The following RARB variants were observed in gnomAD, a reference collection of about 807,000 sequenced individuals.
RARB encodes the protein retinoic acid receptor beta, also known as HBV-activated protein.
In RARB, 17 loss-of-function variants were observed where a neutral mutation model predicts 51.9. The ratio of observed to expected loss-of-function variants is 0.33; its 90% CI spans 0.22 to 0.49. The LOEUF (loss-of-function observed/expected upper bound fraction) is 0.49, where lower values mean the gene tolerates loss of function less well. Ranked by LOEUF, RARB falls within the 20% of genes least tolerant of loss-of-function variation. RARB has a pLI of 0.99. For missense variants in RARB, 369 were observed against 550.8 expected (o/e 0.67, Z 3.30); for synonymous variants, 215 against 195.4 (o/e 1.10, Z -0.84).
At chr3:24,989,114 C>G (rs537079172) in intron 2 of RARB, among the ~76,000 whole-genome samples, 1 of 152,342 alleles carries the variant, frequency 6.6e-6, no homozygotes, top group South Asian at 2.1e-4. Flanking sequence ...GCGTGAGCCA[C>G]CGCACCCGGC....
chr3:25,428,198 C>A (rs1708052845), upstream of RARB: 2 of 1,214,910 alleles, frequency 1.6e-6, no homozygotes, highest in East Asian at 6.3e-5. Context: ...TGAAGGTTAG[C>A]AGCCCGGGTA....
At chr3:25,544,382 AAAG>A (rs1699520417) in intron 3 of RARB, among the ~76,000 whole-genome samples, 1 of 152,228 alleles carries the variant, frequency 6.6e-6, no homozygotes, top group South Asian at 2.1e-4. Context: ...ATTTCAAAAC[AAAG>A]AAGCTTTTCC....
chr3:25,367,210 A>T (rs11707139), intron 5 of RARB, among the ~76,000 whole-genome samples: 2 of 152,178 alleles, frequency 1.3e-5, no homozygotes, highest in Non-Finnish European at 2.9e-5. Flanking sequence ...TGGGTTTTCA[A>T]TGTTGGTACA....
chr3:25,046,901 T>C (rs534989486), intron 2 of RARB, among the ~76,000 whole-genome samples: 26 of 152,354 alleles, frequency 1.7e-4, no homozygotes, highest in African/African-American at 5.8e-4. Flanking sequence ...TTTTAAGAGA[T>C]GTGCACTCAG....
intron 5 of RARB, among the ~76,000 whole-genome samples, chr3:25,357,644 G>C (rs1705785896): frequency 1.3e-5 from 2 of 152,098 alleles, no homozygotes; most frequent in South Asian, 2.1e-4. Flanking sequence ...TATGGTTTTA[G>C]GTCTTACATT....
At chr3:25,415,906 CT>C (rs1205406424) in intron 5 of RARB, among the ~76,000 whole-genome samples, 2 of 152,258 alleles carry the variant, frequency 1.3e-5, no homozygotes, top group African/African-American at 4.8e-5. Flanking sequence ...GAAGAGACTA[CT>C]TTTTTTATGA....
At chr3:24,946,604 C>T (rs1002425767) in intron 2 of RARB, among the ~76,000 whole-genome samples, 2 of 151,984 alleles carry the variant, frequency 1.3e-5, no homozygotes, top group African/African-American at 2.4e-5. Context: ...TGTGGTGGCT[C>T]ACATAGGTAA....
intron 2 of RARB, among the ~76,000 whole-genome samples, chr3:24,937,193 T>G (rs548637986): frequency 6.6e-6 from 1 of 152,322 alleles, no homozygotes; most frequent in East Asian, 1.9e-4. Context: ...AAGTCGTGTC[T>G]TCTTTCTTCT....
At chr3:24,994,653 A>G (rs932461589) in intron 2 of RARB, among the ~76,000 whole-genome samples, 5 of 152,022 alleles carry the variant, frequency 3.3e-5, no homozygotes, top group Admixed American at 3.3e-4. Context: ...TATTTGGTCT[A>G]TTGTGAGTTG....
intron 2 of RARB, among the ~76,000 whole-genome samples, chr3:24,927,497 C>T (rs1695345210): frequency 6.6e-6 from 1 of 152,064 alleles, no homozygotes; most frequent in Non-Finnish European, 1.5e-5. Context: ...AGATTGAAAG[C>T]TCTATGTGAC....
At chr3:25,412,626 T>C (rs1231039776) in intron 5 of RARB, among the ~76,000 whole-genome samples, 1 of 152,188 alleles carries the variant, frequency 6.6e-6, no homozygotes, top group Non-Finnish European at 1.5e-5. Context: ...TTTATTGAAA[T>C]AAAACATTTA....
At position 24,840,594 on chromosome 3, in the gene RARB, A is replaced by T. The variant is rs74800823; in HGVS notation, c.-459+11191A>T. On this transcript the variant is annotated intron_variant, in intron 1 of 11. Coordinates refer to the RARB transcript ENST00000383772. ...GAGCTTTAGATTTCTTTTGTATGACATATAAAACCAAGTTTCCTAACTCAT... is the reference window on the plus strand; with the variant it reads ...GAGCTTTAGATTTCTTTTGTATGACTTATAAAACCAAGTTTCCTAACTCAT... Among the ~76,000 whole-genome samples, 639 of 152,308 alleles carry T rather than the reference A, an allele frequency of 4.2e-3. 3 individuals carry two copies. The highest frequency in any genetic ancestry group is 0.015 in the African/African-American group (608 of 41,558).
At chr3:25,414,179 C>T (rs1195206218) in intron 5 of RARB, among the ~76,000 whole-genome samples, 1 of 152,192 alleles carries the variant, frequency 6.6e-6, no homozygotes, top group Non-Finnish European at 1.5e-5. Flanking sequence ...ACATTAGCTA[C>T]TATTGTATCC....
At chr3:25,334,802 C>G (rs1479969278) in intron 5 of RARB, among the ~76,000 whole-genome samples, 1 of 152,116 alleles carries the variant, frequency 6.6e-6, no homozygotes, top group African/African-American at 2.4e-5. Flanking sequence ...AAATTGTTAT[C>G]TTTCTTTTGG....
chr3:25,091,828 T>C (rs1699204617), intron 3 of RARB, among the ~76,000 whole-genome samples: 1 of 152,178 alleles, frequency 6.6e-6, no homozygotes, highest in South Asian at 2.1e-4. Context: ...CCCTCTGTGG[T>C]GCTGTGATCA....
chr3:24,901,224 G>A (rs1444529923), intron 2 of RARB, among the ~76,000 whole-genome samples: 1 of 152,142 alleles, frequency 6.6e-6, no homozygotes, highest in Non-Finnish European at 1.5e-5. Flanking sequence ...CTGGGAAACT[G>A]GGAACTGCAA....
intron 5 of RARB, among the ~76,000 whole-genome samples, chr3:25,356,518 C>CT (rs200419239): frequency 0.14 from 21,353 of 150,890 alleles, 1,726 homozygotes; most frequent in South Asian, 0.22. Context: ...TTTTTTCTTT[C>CT]TTTTTTTTTA....
intron 5 of RARB, among the ~76,000 whole-genome samples, chr3:25,419,005 C>T (rs558398316): frequency 5.8e-4 from 87 of 150,014 alleles, no homozygotes; most frequent in African/African-American, 1.6e-3. Context: ...CACAAGAGCC[C>T]GTAGAAATGA....
intron 2 of RARB, among the ~76,000 whole-genome samples, chr3:24,953,348 AAAGC>A (rs1695940299): frequency 6.6e-6 from 1 of 152,248 alleles, no homozygotes; most frequent in Non-Finnish European, 1.5e-5. Flanking sequence ...AAAACCTGAA[AAAGC>A]AATCTATACC....
Sources: allele counts gnomAD v4.1 joint callset (sites outside exome capture counted in the v4.1 genomes callset), GRCh38; gene constraint gnomAD v4.1.1; transcripts MANE v1.5; gene names NCBI Gene and HGNC (gene_info 2026-07-23, HGNC 2026-07-21).